Variants in CNTN1 observed in about 807,000 individuals in gnomAD.
CNTN1 encodes the protein contactin 1.
In CNTN1, 38 loss-of-function variants were observed where a neutral mutation model predicts 126.4. That is an observed-to-expected ratio of 0.30 (90% CI 0.23 to 0.39). CNTN1 has a LOEUF of 0.39. CNTN1 is among the 10% of genes least tolerant of loss of function. The pLI, the probability that CNTN1 is intolerant of heterozygous loss-of-function variation, is 1.00. For missense variants in CNTN1, 1,009 were observed against 1,248.4 expected (o/e 0.81, Z 2.89); for synonymous variants, 413 against 422.6 (o/e 0.98, Z 0.28).
intron 1 of CNTN1, among the ~76,000 whole-genome samples, chr12:40,781,383 AT>A (rs1939796801): frequency 6.6e-6 from 1 of 151,938 alleles, no homozygotes. Flanking sequence ...CCAATAGAAA[AT>A]TTAAATCTTG....
chr12:40,957,564 T>G (rs1946935271), intron 14 of CNTN1, among the ~76,000 whole-genome samples: 1 of 149,394 alleles, frequency 6.7e-6, no homozygotes, highest in African/African-American at 2.5e-5. Context: ...AGTGCTGAAT[T>G]TCTAGTCTGG....
At chr12:40,769,208 T>C (rs2136429772) in intron 1 of CNTN1, among the ~76,000 whole-genome samples, 1 of 152,226 alleles carries the variant, frequency 6.6e-6, no homozygotes, top group African/African-American at 2.4e-5. Flanking sequence ...AAACATAAAA[T>C]AAAAATAAGC....
At chr12:40,787,006 A>C (rs1273129057) in intron 1 of CNTN1, among the ~76,000 whole-genome samples, 2 of 152,122 alleles carry the variant, frequency 1.3e-5, no homozygotes, top group Non-Finnish European at 2.9e-5. Context: ...TATTCAACCA[A>C]TATTTGTCAT....
intron 23 of CNTN1, among the ~76,000 whole-genome samples, chr12:41,056,443 G>A (rs748506601): frequency 1.4e-4 from 22 of 152,054 alleles, no homozygotes; most frequent in Non-Finnish European, 3.1e-4. Flanking sequence ...GTTCCATATG[G>A]CAATTTTTAG....
chr12:40,920,232 C>A (rs561057318), intron 4 of CNTN1, among the ~76,000 whole-genome samples: 1 of 152,024 alleles, frequency 6.6e-6, no homozygotes, highest in Non-Finnish European at 1.5e-5. Context: ...CAGAGGCAAC[C>A]AAAAGAAAGG....
intron 17 of CNTN1, among the ~76,000 whole-genome samples, chr12:40,994,808 G>A (rs1227533792): frequency 6.6e-6 from 1 of 151,826 alleles, no homozygotes; most frequent in East Asian, 1.9e-4. Flanking sequence ...TCATAGTTAA[G>A]GTTGAAATCT....
chr12:40,914,004 A>G (rs1945141310), intron 3 of CNTN1, among the ~76,000 whole-genome samples: 1 of 152,192 alleles, frequency 6.6e-6, no homozygotes, highest in Admixed American at 6.6e-5. Flanking sequence ...TTGAGAGGTC[A>G]TCTATAACTT....
intron 14 of CNTN1, among the ~76,000 whole-genome samples, chr12:40,954,454 T>C (rs1946798773): frequency 6.6e-6 from 1 of 152,066 alleles, no homozygotes; most frequent in African/African-American, 2.4e-5. Flanking sequence ...TTACCTTCTC[T>C]ATATATGAAT....
intron 14 of CNTN1, among the ~76,000 whole-genome samples, chr12:40,951,727 A>C (rs956607342): frequency 8.0e-5 from 12 of 149,356 alleles, no homozygotes; most frequent in African/African-American, 2.9e-4. Flanking sequence ...AAAAAAAAAA[A>C]AAAAAAAAAA....
chr12:40,800,971 A>C (rs1940623710), intron 1 of CNTN1, among the ~76,000 whole-genome samples: 1 of 151,428 alleles, frequency 6.6e-6, no homozygotes. Context: ...TTGGACACAA[A>C]GTCAGAGCAG....
chr12:41,062,144 G>A lies in CNTN1; in HGVS notation c.2981-7815G>A, dbSNP rs545455494. ...CTTTAGAAACTCTTAAAACCAATTAGTGTGACTATCCATTACTTTATTTTG... is the reference window on the plus strand; with the variant it reads ...CTTTAGAAACTCTTAAAACCAATTAATGTGACTATCCATTACTTTATTTTG... On this transcript the variant is annotated intron_variant, in intron 23 of 23. Coordinates refer to ENST00000551295, the MANE Select transcript of CNTN1 (RefSeq NM_001843.4). Among the ~76,000 whole-genome samples the A allele has an allele frequency of 2.6e-4, 39 of 152,168 alleles. 2 individuals are homozygous for A. The South Asian group carries it at 7.9e-3, about 31-fold the overall frequency.
rs564738571 is a variant in CNTN1 at position 40,772,193 on chromosome 12, C to T, written c.-77+79601C>T. 1.7e-4 allele frequency among the ~76,000 whole-genome samples: 26 copies of T among 152,030 alleles called. 1 individual carries two copies. Among genetic ancestry groups the T allele is most frequent in the East Asian group, 7.7e-4 (4 of 5,180 alleles). ...GGAATTGTGAATTATTCACATAATT[C>T]GGAATAAAGTTGTTTCTAAATTGCC... On this transcript the variant is annotated intron_variant, in intron 1 of 23. Transcript: ENST00000551295.
chr12:40,868,558 C>A (rs1033583297), intron 1 of CNTN1, among the ~76,000 whole-genome samples: 1 of 152,118 alleles, frequency 6.6e-6, no homozygotes, highest in African/African-American at 2.4e-5. Flanking sequence ...TTACTCTTCA[C>A]TTCCACGGAC....
intron 9 of CNTN1, 144 bp from the exon 10 acceptor site, chr12:40,936,637 A>C: frequency 1.3e-5 from 12 of 898,326 alleles, no homozygotes; most frequent in Non-Finnish European, 1.8e-5. Context: ...ATGCAAAGAC[A>C]AGGCCTATTA....
intron 1 of CNTN1, among the ~76,000 whole-genome samples, chr12:40,851,604 C>G (rs1296667889): frequency 6.6e-6 from 1 of 151,772 alleles, no homozygotes; most frequent in Non-Finnish European, 1.5e-5. Context: ...ATACTTTTTT[C>G]TCCCCTTATT....
chr12:40,730,694 A>C (rs1295391160), intron 1 of CNTN1, among the ~76,000 whole-genome samples: 1 of 152,204 alleles, frequency 6.6e-6, no homozygotes, highest in East Asian at 1.9e-4. Context: ...ATATAATTTC[A>C]TACCACTGAC....
rs531139795 is a variant in CNTN1 at position 41,020,281 on chromosome 12, G to A, written c.2420-56G>A. 1.2e-4 allele frequency: 136 copies of A among 1,142,172 alleles called. 2 individuals are homozygous for A. The East Asian group carries it at 1.4e-3, about 12-fold the overall frequency. The allele number at this position is 1,142,172 out of a possible 1,614,324, so 70.8% of individuals were successfully genotyped here. ...ATTCATATAGCAAATGATGCTATTC[G>A]AATTTCTTAAATGTAAATATCTCAC... On this transcript the variant is annotated intron_variant, in intron 19 of 23. Transcript: ENST00000551295.
chr12:40,802,508 G>A (rs1261230643), intron 1 of CNTN1, among the ~76,000 whole-genome samples: 1 of 151,934 alleles, frequency 6.6e-6, no homozygotes, highest in Non-Finnish European at 1.5e-5. Flanking sequence ...AGAGTCCTGG[G>A]AATTTAATCG....
intron 15 of CNTN1, among the ~76,000 whole-genome samples, chr12:40,963,044 T>C (rs1187915462): frequency 6.6e-6 from 1 of 152,120 alleles, no homozygotes; most frequent in African/African-American, 2.4e-5. Context: ...AAGCAGATTA[T>C]CTACTCTGAA....
Sources: allele counts gnomAD v4.1 joint callset (sites outside exome capture counted in the v4.1 genomes callset), GRCh38; gene constraint gnomAD v4.1.1; transcripts MANE v1.5; gene names NCBI Gene and HGNC (gene_info 2026-07-23, HGNC 2026-07-21).